GALNT10: variants seen among roughly 807,000 people sequenced by gnomAD.
GALNT10 encodes the protein GalNAc transferase 10.
Under a neutral mutation model 75.0 loss-of-function variants are expected in GALNT10, and 41 were observed. The ratio of observed to expected loss-of-function variants is 0.55; its 90% CI spans 0.43 to 0.71. The LOEUF is 0.71. Ranked by LOEUF, GALNT10 falls within the 30% of genes least tolerant of loss-of-function variation. The pLI, the probability that GALNT10 is intolerant of heterozygous loss-of-function variation, is 0.00. For missense variants in GALNT10, 727 were observed against 818.5 expected (o/e 0.89, Z 1.36); for synonymous variants, 302 against 313.0 (o/e 0.96, Z 0.37).
chr5:154,223,768 A>G (rs949751090), intron 1 of GALNT10, among the ~76,000 whole-genome samples: 2 of 152,056 alleles, frequency 1.3e-5, no homozygotes, highest in African/African-American at 4.8e-5. Context: ...AAAAATACAC[A>G]GATTAACTGG....
intron 3 of GALNT10, among the ~76,000 whole-genome samples, chr5:154,328,626 A>C (rs1012370594): frequency 1.3e-5 from 2 of 152,194 alleles, no homozygotes; most frequent in Non-Finnish European, 2.9e-5. Flanking sequence ...AGTTAGAGTC[A>C]GATCCCACAG....
chr5:154,366,891 G>A (rs1347361372), intron 4 of GALNT10, among the ~76,000 whole-genome samples: 1 of 151,696 alleles, frequency 6.6e-6, no homozygotes. Flanking sequence ...GGTATGTCAT[G>A]CAGAGTACTA....
At chr5:154,223,241 G>A (rs4958717) in intron 1 of GALNT10, among the ~76,000 whole-genome samples, 53,320 of 152,042 alleles carry the variant, frequency 0.35, 11,529 homozygotes, top group East Asian at 0.75. Context: ...TATTGCATGC[G>A]TGATCTGCTT....
intron 6 of GALNT10, among the ~76,000 whole-genome samples, chr5:154,385,275 A>C (rs1489874639): frequency 5.3e-5 from 8 of 152,108 alleles, no homozygotes; most frequent in Non-Finnish European, 1.0e-4. Context: ...TGTGCGAGAT[A>C]CCCTGGGGGA....
chr5:154,325,838 T>C (rs1475732176), intron 3 of GALNT10, among the ~76,000 whole-genome samples: 1 of 152,178 alleles, frequency 6.6e-6, no homozygotes, highest in African/African-American at 2.4e-5. Flanking sequence ...TCTTGCCTTA[T>C]GTTTAGCATT....
chr5:154,413,982 A>G (rs1756452995), intron 10 of GALNT10, among the ~76,000 whole-genome samples: 3 of 152,222 alleles, frequency 2.0e-5, no homozygotes, highest in African/African-American at 7.2e-5. Context: ...TTTAATTTTA[A>G]AGCGGGCAGA....
At chr5:154,353,956 C>T (rs901411538) in intron 4 of GALNT10, among the ~76,000 whole-genome samples, 8 of 152,154 alleles carry the variant, frequency 5.3e-5, no homozygotes, top group Admixed American at 1.3e-4. Flanking sequence ...TCCCAGTACT[C>T]GCCACAATGC....
At position 154,318,937 on chromosome 5, in the gene GALNT10, G is replaced by A. The variant is rs548515117; in HGVS notation, c.402-10635G>A. ...ATAGTGAAAGTGCTTTTGCAACAGAGAAAATGTTTCCACCAACTCTCAGTT... is the reference window on the plus strand; with the variant it reads ...ATAGTGAAAGTGCTTTTGCAACAGAAAAAATGTTTCCACCAACTCTCAGTT... On this transcript the variant is annotated intron_variant, in intron 3 of 11. Transcript: ENST00000297107. 2.0e-5 allele frequency among the ~76,000 whole-genome samples: 3 copies of A among 152,352 alleles called. No individual in the cohort carries two copies. The South Asian group carries it at 6.2e-4, about 32-fold the overall frequency.
chr5:154,264,652 A>G (rs625212), intron 1 of GALNT10, among the ~76,000 whole-genome samples: 37,174 of 152,070 alleles, frequency 0.24, 5,529 homozygotes, highest in African/African-American at 0.42. Context: ...ATTGTAGGCT[A>G]ACACATAGTA....
intron 7 of GALNT10, among the ~76,000 whole-genome samples, chr5:154,396,966 A>G (rs1353065813): frequency 2.7e-5 from 4 of 148,982 alleles, no homozygotes; most frequent in African/African-American, 9.7e-5. Flanking sequence ...GTCTCTACTA[A>G]AAATACAAAA....
At chr5:154,224,854 C>G (rs943127923) in intron 1 of GALNT10, among the ~76,000 whole-genome samples, 1 of 148,260 alleles carries the variant, frequency 6.7e-6, no homozygotes, top group Non-Finnish European at 1.5e-5. Flanking sequence ...GATCTCGGCT[C>G]GCTGCAACCT....
chr5:154,364,108 T>C (rs750798800), intron 4 of GALNT10, among the ~76,000 whole-genome samples: 1 of 152,064 alleles, frequency 6.6e-6, no homozygotes, highest in Non-Finnish European at 1.5e-5. Flanking sequence ...GGGAGAAGAA[T>C]AGAATAGGAT....
intron 4 of GALNT10, among the ~76,000 whole-genome samples, chr5:154,368,326 C>T (rs1443117346): frequency 1.3e-5 from 2 of 152,224 alleles, no homozygotes; most frequent in African/African-American, 4.8e-5. Context: ...AGCAGAGATG[C>T]TCTCGCTGAG....
chr5:154,220,385 AC>A (rs1384776911), intron 1 of GALNT10: 2 of 152,244 alleles, frequency 1.3e-5, no homozygotes, highest in Non-Finnish European at 2.9e-5. Context: ...GGAAGGAAGA[AC>A]CCACATTTGA....
At chr5:154,343,710 G>T (rs1329303553) in intron 4 of GALNT10, among the ~76,000 whole-genome samples, 4 of 152,108 alleles carry the variant, frequency 2.6e-5, no homozygotes, top group African/African-American at 9.7e-5. Flanking sequence ...CAATTCTGGG[G>T]GGTAGATTAC....
intron 3 of GALNT10, among the ~76,000 whole-genome samples, chr5:154,322,503 A>C (rs1445558310): frequency 2.6e-5 from 4 of 152,010 alleles, no homozygotes; most frequent in African/African-American, 9.7e-5. Context: ...CCTTAACCTC[A>C]ATCATGTCTG....
intron 5 of GALNT10, among the ~76,000 whole-genome samples, chr5:154,378,791 C>T (rs7728507): frequency 0.23 from 34,498 of 152,132 alleles, 4,133 homozygotes; most frequent in Middle Eastern, 0.3. Flanking sequence ...CACTGCCTTC[C>T]GAAGCTACCT....
In GALNT10 at chr5:154,222,003, A is replaced by G. The variant is rs78253877; in HGVS notation, c.159+30978A>G. On this transcript the variant is annotated intron_variant, in intron 1 of 11. Coordinates refer to ENST00000297107, the MANE Select transcript of GALNT10 (RefSeq NM_198321.4). ...GAATTACAATAAACTGCACATTTTA[A>G]AAGTGTGCAACTTGATCAATTTTAA... Among the ~76,000 whole-genome samples, 726 of 152,250 alleles carry G rather than the reference A, an allele frequency of 4.8e-3. 21 individuals are homozygous for G. In the East Asian group the frequency reaches 0.083, roughly 17 times the overall value.
intron 1 of GALNT10, among the ~76,000 whole-genome samples, chr5:154,271,606 A>G (rs955341019): frequency 1.3e-5 from 2 of 152,126 alleles, no homozygotes; most frequent in Non-Finnish European, 2.9e-5. Flanking sequence ...GTTCATTTCT[A>G]TCTGGTGAGG....
Sources: allele counts gnomAD v4.1 joint callset (sites outside exome capture counted in the v4.1 genomes callset), GRCh38; gene constraint gnomAD v4.1.1; transcripts MANE v1.5; gene names NCBI Gene and HGNC (gene_info 2026-07-23, HGNC 2026-07-21).